The following SLC41A2 variants were observed in gnomAD, a reference collection of about 807,000 sequenced individuals.
SLC41A2 encodes SLC41A1-like 1.
A neutral mutation model predicts 58.3 loss-of-function variants in SLC41A2; 32 were observed. That is an observed-to-expected ratio of 0.55 (90% CI 0.41 to 0.74). The LOEUF (loss-of-function observed/expected upper bound fraction) is 0.74. Among genes scored for constraint, SLC41A2 ranks in the 30% least tolerant of loss-of-function variants. The pLI is 0.00. For synonymous variants in SLC41A2, 190 were observed against 235.0 expected, an observed-to-expected ratio of 0.81 and a Z score of 1.75; for missense variants, 514 against 680.6, an observed-to-expected ratio of 0.76 and a Z score of 2.72.
At chr12:104,805,470 G>T (rs1401877443) in intron 10 of SLC41A2, 133 bp from the exon 11 acceptor site, 2 of 568,278 alleles carry the variant, frequency 3.5e-6, no homozygotes, top group African/African-American at 1.9e-5. Flanking sequence ...TTGAAAATAA[G>T]AAATACTTAG....
At chr12:104,868,331 G>A (rs1483340739) in intron 6 of SLC41A2, among the ~76,000 whole-genome samples, 1 of 152,134 alleles carries the variant, frequency 6.6e-6, no homozygotes, top group Non-Finnish European at 1.5e-5. Flanking sequence ...TATTCTGCTA[G>A]GTCAGATCAT....
chr12:104,832,772 C>A (rs1385173566), intron 10 of SLC41A2, among the ~76,000 whole-genome samples: 1 of 151,992 alleles, frequency 6.6e-6, no homozygotes, highest in Non-Finnish European at 1.5e-5. Flanking sequence ...AGTCAAGCTA[C>A]CTAGAGAAAC....
chr12:104,804,321 G>A lies in SLC41A2; in HGVS notation c.*831C>T, dbSNP rs2040816343. The A allele has an allele frequency of 7.0e-6, 1 of 142,440 alleles. No individual in the cohort carries two copies. Among genetic ancestry groups the A allele is most frequent in the Admixed American group, 7.3e-5 (1 of 13,608 alleles). The allele number at this position is 142,440 out of a possible 1,614,324, so 8.8% of individuals were successfully genotyped here. A position where few individuals can be genotyped will look rare whatever the true frequency, so the allele number is the denominator to read the frequency against. ...TTTGCTATCAGCAATCCAAGATTTAGTTCTTCATCAAAAGTCTCTCTCTCT... is the reference window on the plus strand; with the variant it reads ...TTTGCTATCAGCAATCCAAGATTTAATTCTTCATCAAAAGTCTCTCTCTCT... On this transcript the variant is annotated 3_prime_UTR_variant, in exon 11 of 11. Coordinates refer to ENST00000258538, the MANE Select transcript of SLC41A2 (RefSeq NM_001352171.3).
At chr12:104,876,752 G>A (rs765644336) in intron 6 of SLC41A2, among the ~76,000 whole-genome samples, 4 of 152,062 alleles carry the variant, frequency 2.6e-5, no homozygotes, top group South Asian at 4.1e-4. Context: ...TGTGTATTCC[G>A]CTGCTGTTGG....
intron 10 of SLC41A2, among the ~76,000 whole-genome samples, chr12:104,843,035 A>G (rs545034602): frequency 6.6e-6 from 1 of 152,178 alleles, no homozygotes; most frequent in East Asian, 1.9e-4. Context: ...ACAATAAATG[A>G]CCATATAATA....
At chr12:104,868,618 T>A (rs2043596200) in intron 6 of SLC41A2, among the ~76,000 whole-genome samples, 1 of 152,170 alleles carries the variant, frequency 6.6e-6, no homozygotes, top group African/African-American at 2.4e-5. Context: ...GGAAAACATA[T>A]TTACATAAAA....
chr12:104,912,082 G>A (rs1593126761), intron 2 of SLC41A2, among the ~76,000 whole-genome samples: 1 of 152,176 alleles, frequency 6.6e-6, no homozygotes, highest in Admixed American at 6.5e-5. Context: ...AAACCTAAGA[G>A]ATAGGTATGA....
intron 10 of SLC41A2, among the ~76,000 whole-genome samples, chr12:104,806,154 G>A (rs1200837209): frequency 1.3e-5 from 2 of 152,060 alleles, no homozygotes; most frequent in Admixed American, 1.3e-4. Context: ...ATGTTGGTGT[G>A]CTGCACCCAT....
chr12:104,956,636 G>A (rs1390939816), intron 1 of SLC41A2, among the ~76,000 whole-genome samples: 1 of 152,068 alleles, frequency 6.6e-6, no homozygotes, highest in Non-Finnish European at 1.5e-5. Flanking sequence ...CCAAGATTGT[G>A]CCACTGCACT....
chr12:104,896,805 A>G (rs1315067986), intron 3 of SLC41A2, among the ~76,000 whole-genome samples: 1 of 152,196 alleles, frequency 6.6e-6, no homozygotes, highest in East Asian at 1.9e-4. Context: ...TTGGAGCTAC[A>G]TTCCCCAAAA....
chr12:104,921,896 A>C (rs1340455237), intron 2 of SLC41A2, among the ~76,000 whole-genome samples: 2 of 152,164 alleles, frequency 1.3e-5, no homozygotes, highest in African/African-American at 4.8e-5. Context: ...TAAAGTGTAG[A>C]GTTTCTTAGT....
At chr12:104,830,768 A>C (rs1161693916) in intron 10 of SLC41A2, among the ~76,000 whole-genome samples, 2 of 152,188 alleles carry the variant, frequency 1.3e-5, no homozygotes, top group Non-Finnish European at 2.9e-5. Flanking sequence ...CAAATGGGGG[A>C]AAAAATGAGC....
intron 6 of SLC41A2, among the ~76,000 whole-genome samples, chr12:104,872,950 T>C (rs2043858644): frequency 6.6e-6 from 1 of 152,210 alleles, no homozygotes; most frequent in African/African-American, 2.4e-5. Context: ...TGGTTAGATA[T>C]ATAGTTAAGT....
At chr12:104,814,260 C>A (rs1164395383) in intron 10 of SLC41A2, among the ~76,000 whole-genome samples, 1 of 151,898 alleles carries the variant, frequency 6.6e-6, no homozygotes, top group Non-Finnish European at 1.5e-5. Context: ...AAAAATTAGC[C>A]CCCTGTAGAC....
chr12:104,923,604 C>A (rs1216283968), intron 2 of SLC41A2, among the ~76,000 whole-genome samples: 1 of 151,766 alleles, frequency 6.6e-6, no homozygotes, highest in East Asian at 1.9e-4. Context: ...AGAGAAGTCC[C>A]AAATAAGTAA....
intron 10 of SLC41A2, among the ~76,000 whole-genome samples, chr12:104,806,319 G>GT (rs2040900652): frequency 1.3e-5 from 2 of 151,842 alleles, no homozygotes; most frequent in African/African-American, 2.4e-5. Flanking sequence ...GCAGCGTTTG[G>GT]TTTTTTGTCC....
chr12:104,844,750 A>G, intron 9 of SLC41A2, 130 bp from the exon 10 acceptor site: 1 of 400,848 alleles, frequency 2.5e-6, no homozygotes, highest in Non-Finnish European at 4.3e-6. Flanking sequence ...TTTGATTGCC[A>G]AAAATAAATT....
At chr12:104,826,451 C>T (rs2041849107) in intron 10 of SLC41A2, among the ~76,000 whole-genome samples, 1 of 152,220 alleles carries the variant, frequency 6.6e-6, no homozygotes, top group South Asian at 2.1e-4. Flanking sequence ...TGTTTGCTGT[C>T]TCAGGAAGGC....
chr12:104,878,830 T>C (rs2135587411), intron 6 of SLC41A2, among the ~76,000 whole-genome samples: 1 of 152,362 alleles, frequency 6.6e-6, no homozygotes, highest in South Asian at 2.1e-4. Flanking sequence ...ATATACCCAG[T>C]AATGGGATCG....
Sources: allele counts gnomAD v4.1 joint callset (sites outside exome capture counted in the v4.1 genomes callset), GRCh38; gene constraint gnomAD v4.1.1; transcripts MANE v1.5; gene names NCBI Gene and HGNC (gene_info 2026-07-23, HGNC 2026-07-21).